The following CYP27A1 variants were observed in gnomAD, a reference collection of about 807,000 sequenced individuals.
The protein encoded by CYP27A1 is sterol 26-hydroxylase, mitochondrial.
A neutral mutation model predicts 58.2 loss-of-function variants in CYP27A1; 46 were observed. That is an observed-to-expected ratio of 0.79 (90% CI 0.62 to 1.01). The LOEUF is 1.01. Ranked by LOEUF, CYP27A1 falls within the 50% of genes least tolerant of loss-of-function variation. The pLI is 0.00. For synonymous variants in CYP27A1, 274 were observed against 285.1 expected (o/e 0.96, Z 0.39); for missense variants, 704 against 687.0 (o/e 1.02, Z -0.28).
rs1224145759 is a variant in CYP27A1 at position 218,812,637 on chromosome 2, C to T, written c.732C>T (p.Ile244=). Residue 244 remains isoleucine (I), a synonymous_variant, in exon 4 of 9, where the codon ATC becomes ATT. Transcript: ENST00000258415. ...ACACCGTGACCTTCGTCAGATCCAT[C>T]GGGTTAATGTTCCAGAACTCACTCT... ...PEDTVTFVRS[I]GLMFQNSLYA... The T allele has an allele frequency of 3.1e-6, 5 of 1,614,098 alleles. No individual in the cohort carries two copies. Among genetic ancestry groups the T allele is most frequent in the African/African-American group, 2.7e-5 (2 of 74,930 alleles).
At chr2:218,793,102 G>A (rs1032274200) in intron 1 of CYP27A1, among the ~76,000 whole-genome samples, 1 of 152,126 alleles carries the variant, frequency 6.6e-6, no homozygotes, top group Non-Finnish European at 1.5e-5. Context: ...TTGAGACAAA[G>A]TCTCACTCTG....
In CYP27A1 at chr2:218,782,251, C is replaced by A; in HGVS notation, c.69C>A (p.His23Gln). 3 of 1,554,018 alleles carry A rather than the reference C, an allele frequency of 1.9e-6. No homozygotes were observed. Among genetic ancestry groups the A allele is most frequent in the Non-Finnish European group, 2.6e-6 (3 of 1,150,796 alleles). The change falls in exon 1 of 9, where the codon CAC (histidine) becomes CAA (glutamine). Residue 23 changes from histidine (H) to glutamine (Q), a missense_variant. By Grantham distance (24) the His-to-Gln change is conservative. Coordinates refer to ENST00000258415, the MANE Select transcript of CYP27A1 (RefSeq NM_000784.4). The surrounding 1 kb of genome is among the most constrained non-coding windows in gnomAD (Gnocchi z 4.1). ...GGGCCGGCCGTGGCCTCTGCCCCCA[C>A]GGGGCCAGAGCCAAGGCCGCGATCC... ...LRGAGRGLCPHGARAKAAIPA... is the reference protein window; with the variant it reads ...LRGAGRGLCPQGARAKAAIPA...
chr2:218,786,419 C>A (rs1208606609), intron 1 of CYP27A1, among the ~76,000 whole-genome samples: 1 of 152,178 alleles, frequency 6.6e-6, no homozygotes, highest in Non-Finnish European at 1.5e-5. Context: ...ACTGCATTAG[C>A]ACACATAAAA....
At chr2:218,800,738 G>T (rs565673170) in intron 1 of CYP27A1, among the ~76,000 whole-genome samples, 1 of 152,184 alleles carries the variant, frequency 6.6e-6, no homozygotes, top group East Asian at 1.9e-4. Context: ...CTTGTGAAAT[G>T]AATACATAAA....
intron 1 of CYP27A1, among the ~76,000 whole-genome samples, chr2:218,794,944 T>C (rs1379646529): frequency 1.3e-5 from 2 of 152,070 alleles, no homozygotes; most frequent in African/African-American, 4.8e-5. Flanking sequence ...GGAAGAGTAT[T>C]CTCTTTCCCT....
Position 218,782,968 on chromosome 2 carries a change from A to G in CYP27A1, c.255+531A>G, listed in dbSNP as rs1943408423. On this transcript the variant is annotated intron_variant, in intron 1 of 8. Transcript: ENST00000258415. The surrounding 1 kb of genome is among the most constrained non-coding windows in gnomAD (Gnocchi z 4.1). ...AGGTACTTTTTGTTATTAAGAAATC[A>G]GTCTGAGGCCGGGTGCAGTGGCTCA... Among the ~76,000 whole-genome samples the G allele has an allele frequency of 6.6e-6, 1 of 152,140 alleles. No homozygotes were observed. Among genetic ancestry groups the G allele is most frequent in the Non-Finnish European group, 1.5e-5 (1 of 68,008 alleles).
intron 1 of CYP27A1, among the ~76,000 whole-genome samples, chr2:218,801,371 T>C (rs757665355): frequency 1.4e-4 from 21 of 152,040 alleles, no homozygotes; most frequent in Non-Finnish European, 2.9e-4. Context: ...CCAGGCATGA[T>C]GGTGCACACC....
Position 218,815,089 on chromosome 2 carries a change from C to G in CYP27A1, c.*59C>G. 6.2e-7 allele frequency: 1 copy of G among 1,609,434 alleles called. No individual in the cohort carries two copies. The highest frequency in any genetic ancestry group is 8.5e-7 in the Non-Finnish European group (1 of 1,176,660). On this transcript the variant is annotated 3_prime_UTR_variant, in exon 9 of 9. Transcript: ENST00000258415. ...AGGCTCCAGCTCTGGCACAGTGGTTCCTGGCTGCTGCCATGTCTCAGATGA... is the reference window on the plus strand; with the variant it reads ...AGGCTCCAGCTCTGGCACAGTGGTTGCTGGCTGCTGCCATGTCTCAGATGA...
intron 1 of CYP27A1, among the ~76,000 whole-genome samples, chr2:218,805,290 C>T (rs1246803745): frequency 6.6e-6 from 1 of 152,194 alleles, no homozygotes; most frequent in Non-Finnish European, 1.5e-5. Flanking sequence ...ATGTCTGTCT[C>T]TGTCTCTCTC....
In CYP27A1 at chr2:218,812,243, G is replaced by A; in HGVS notation, c.468G>A (p.Gln156=). ...PFTTEGHHWY[Q]LRQALNQRLL... ...GCAGGGAAGGACACCACTGGTACCA[G>A]CTGCGCCAGGCTCTGAACCAGCGGT... Residue 156 remains glutamine (Q), a synonymous_variant, in exon 3 of 9, where the codon CAG becomes CAA. Coordinates refer to ENST00000258415, the MANE Select transcript of CYP27A1 (RefSeq NM_000784.4). 6.2e-7 allele frequency: 1 copy of A among 1,614,166 alleles called. No individual in the cohort carries two copies. Among genetic ancestry groups the A allele is most frequent in the Non-Finnish European group, 8.5e-7 (1 of 1,180,016 alleles).
chr2:218,810,822 G>T lies in CYP27A1; in HGVS notation c.446+1055G>T, dbSNP rs576332893. Among the ~76,000 whole-genome samples the T allele has an allele frequency of 9.2e-5, 14 of 152,158 alleles. No homozygotes were observed. The South Asian group carries it at 2.9e-3, about 32-fold the overall frequency. On this transcript the variant is annotated intron_variant, in intron 2 of 8. Coordinates refer to ENST00000258415, the MANE Select transcript of CYP27A1 (RefSeq NM_000784.4). ...TAATAAAGGCAGCTCCTGGGGTGGG[G>T]TGTTGAAGGTCATTAAAGAAAAAAT...
In CYP27A1 at chr2:218,814,237, G is replaced by C. The variant is rs1439680333; in HGVS notation, c.1184+50G>C. 7 of 1,612,478 alleles carry C rather than the reference G, an allele frequency of 4.3e-6. No individual in the cohort carries two copies. The South Asian group carries it at 6.6e-5, about 15-fold the overall frequency. ...GGCACAGGATCTCTTTGTGGGGAGG[G>C]AATCAGAGGAGGAAATCTGAAGTGA... On this transcript the variant is annotated intron_variant, in intron 6 of 8. Transcript: ENST00000258415.
rs746903905 is a variant in CYP27A1 at position 218,782,478 on chromosome 2, C to T, written c.255+41C>T. The T allele has an allele frequency of 7.4e-6, 12 of 1,613,152 alleles. No individual in the cohort carries two copies. The South Asian group carries it at 1.3e-4, about 18-fold the overall frequency. ...ATCGCGTCCTGGGGATGGGAGTGGG[C>T]ACCGGAACAGAGAGGCTAGAGGTGA... On this transcript the variant is annotated intron_variant, in intron 1 of 8. Coordinates refer to ENST00000258415, the MANE Select transcript of CYP27A1 (RefSeq NM_000784.4). This position sits in a 1 kb window ranked among gnomAD's most constrained non-coding sequence, Gnocchi z 4.1.
chr2:218,807,247 C>T (rs1386595815), intron 1 of CYP27A1, among the ~76,000 whole-genome samples: 1 of 152,052 alleles, frequency 6.6e-6, no homozygotes, highest in Non-Finnish European at 1.5e-5. Context: ...GCGTGAGCCA[C>T]TGTGCCCGGC....
chr2:218,784,779 A>G (rs1943426716), intron 1 of CYP27A1, among the ~76,000 whole-genome samples: 1 of 152,208 alleles, frequency 6.6e-6, no homozygotes, highest in South Asian at 2.1e-4. Context: ...TTTTCACTTG[A>G]ATAAAATGTT....
At chr2:218,804,072 A>T (rs369883123) in intron 1 of CYP27A1, among the ~76,000 whole-genome samples, 1,906 of 41,002 alleles carry the variant, frequency 0.046, 39 homozygotes, top group African/African-American at 0.18. Context: ...TTATCTATTT[A>T]AAAAAAATTC....
In CYP27A1 at chr2:218,782,224, A is replaced by G. The variant is rs1283533264; in HGVS notation, c.42A>G (p.Arg14=). ...LGCARLRWAL[R]GAGRGLCPHG... is the part of the protein sequence containing the mutation. ...GCGCGAGGCTGAGGTGGGCGCTGCG[A>G]GGGGCCGGCCGTGGCCTCTGCCCCC... Residue 14 remains arginine (R), a synonymous_variant, in exon 1 of 9, where the codon CGA becomes CGG. Transcript: ENST00000258415. This position sits in a 1 kb window ranked among gnomAD's most constrained non-coding sequence, Gnocchi z 4.1. 6.5e-7 allele frequency: 1 copy of G among 1,541,628 alleles called. No individual in the cohort carries two copies. The highest frequency in any genetic ancestry group is 1.4e-5 in the African/African-American group (1 of 72,866).
chr2:218,812,554 A>G lies in CYP27A1; in HGVS notation c.649A>G (p.Ile217Val), dbSNP rs886042256. The stretch of plus-strand genomic sequence containing the variant: ...GATGGCCTCTGTGCACTACTCAGCT[A>G]TTTGCTACATCCTGTTCGAGAAACG... ...QLFYYFALEA[I>V]CYILFEKRIG... Residue 217 changes from isoleucine to valine, a missense_variant and splice_region_variant, in exon 4 of 9, where the codon ATT (isoleucine) becomes GTT (valine). Transcript: ENST00000258415. 6.2e-7 allele frequency: 1 copy of G among 1,613,926 alleles called. No homozygotes were observed. Among genetic ancestry groups the G allele is most frequent in the Non-Finnish European group, 8.5e-7 (1 of 1,179,986 alleles).
At chr2:218,794,295 G>A (rs1186803424) in intron 1 of CYP27A1, among the ~76,000 whole-genome samples, 1 of 152,132 alleles carries the variant, frequency 6.6e-6, no homozygotes, top group Non-Finnish European at 1.5e-5. Flanking sequence ...TTGGGATAAG[G>A]ATGAAGATTG....
Sources: allele counts gnomAD v4.1 joint callset (sites outside exome capture counted in the v4.1 genomes callset), GRCh38; gene constraint gnomAD v4.1.1; non-coding constraint Gnocchi (gnomAD v3.1); transcripts MANE v1.5; gene names NCBI Gene and HGNC (gene_info 2026-07-23, HGNC 2026-07-21).